Variants in FRMPD4 observed in about 807,000 individuals in gnomAD.
FRMPD4 encodes the protein FERM and PDZ domain-containing protein 4.
FRMPD4 carries 22 observed loss-of-function variants against 94.1 expected under a neutral mutation model. The ratio of observed to expected loss-of-function variants is 0.23; its 90% CI spans 0.17 to 0.33. FRMPD4 has a LOEUF of 0.33. Ranked by LOEUF, FRMPD4 falls within the 10% of genes least tolerant of loss-of-function variation. The probability of loss-of-function intolerance (pLI) is 1.00; values close to 1 mark genes in which losing one functional copy is unlikely to be tolerated. For missense variants in FRMPD4, 1,111 were observed against 1,339.9 expected (o/e 0.83, Z 2.67); for synonymous variants, 631 against 548.6 (o/e 1.15, Z -2.10).
At chrX:12,054,707 A>T (rs749183094) in intron 3 of FRMPD4, 1 of 112,230 alleles carries the variant, frequency 8.9e-6, no homozygotes, top group Non-Finnish European at 1.9e-5. Context: ...CTCTGGCAAG[A>T]TGAACATAAA....
At chrX:12,235,212 C>T (rs753451970) in intron 1 of FRMPD4, among the ~76,000 whole-genome samples, 15 of 111,863 alleles carry the variant, frequency 1.3e-4, no homozygotes, top group Admixed American at 2.8e-4. Flanking sequence ...CCATTGAAAG[C>T]TGCGCGTCCC....
At chrX:12,004,778 A>C (rs2054542485) in intron 3 of FRMPD4, among the ~76,000 whole-genome samples, 1 of 108,229 alleles carries the variant, frequency 9.2e-6, no homozygotes, top group African/African-American at 3.4e-5. Context: ...TGTCCAGCCC[A>C]ACCTGGCTGC....
chrX:12,063,589 T>G (rs982065346), intron 3 of FRMPD4, among the ~76,000 whole-genome samples: 1 of 112,047 alleles, frequency 8.9e-6, no homozygotes, highest in Non-Finnish European at 1.9e-5. Context: ...TGTACAAAAA[T>G]AAAAAGAAAA....
chrX:11,984,315 T>C (rs1192759606), intron 3 of FRMPD4, among the ~76,000 whole-genome samples: 1 of 112,559 alleles, frequency 8.9e-6, no homozygotes, highest in African/African-American at 3.2e-5. Context: ...CCTTTGCTCT[T>C]GACTGGTCCA....
chrX:12,046,201 T>C (rs6639135), intron 3 of FRMPD4, among the ~76,000 whole-genome samples: 7,153 of 110,539 alleles, frequency 0.065, 257 homozygotes, highest in East Asian at 0.24. Flanking sequence ...AAGAAATAAG[T>C]CTCAGCAAAT....
chrX:11,881,717 T>C (rs2053814571), intron 3 of FRMPD4, among the ~76,000 whole-genome samples: 1 of 111,777 alleles, frequency 8.9e-6, no homozygotes, highest in Non-Finnish European at 1.9e-5. Flanking sequence ...TACACAAACA[T>C]ATACATGTGA....
At chrX:12,472,327 T>C (rs1206665604) in intron 1 of FRMPD4, among the ~76,000 whole-genome samples, 1 of 112,166 alleles carries the variant, frequency 8.9e-6, no homozygotes, top group Non-Finnish European at 1.9e-5. Flanking sequence ...AAGCTAAATA[T>C]GTGCAATTCA....
chrX:12,071,766 G>C (rs2054970596), intron 3 of FRMPD4, among the ~76,000 whole-genome samples: 1 of 110,973 alleles, frequency 9.0e-6, no homozygotes, highest in Admixed American at 9.6e-5. Context: ...GCTTTTACAG[G>C]GTGGTGAAAA....
At chrX:12,418,590 C>A (rs2056842927) in intron 1 of FRMPD4, among the ~76,000 whole-genome samples, 1 of 109,450 alleles carries the variant, frequency 9.1e-6, no homozygotes, top group African/African-American at 3.3e-5. Context: ...GAACTCCCGA[C>A]CTCGTGATCC....
At chrX:12,044,053 T>C (rs545065528) in intron 3 of FRMPD4, among the ~76,000 whole-genome samples, 2 of 112,208 alleles carry the variant, frequency 1.8e-5, no homozygotes, top group African/African-American at 6.5e-5. Context: ...TTACCAGTTT[T>C]CTGAATGATA....
At chrX:11,969,093 G>T (rs2054326732) in intron 3 of FRMPD4, among the ~76,000 whole-genome samples, 1 of 112,539 alleles carries the variant, frequency 8.9e-6, no homozygotes, top group Admixed American at 9.4e-5. Flanking sequence ...GGGTACGAGG[G>T]TAGTAAGCTT....
At chrX:12,701,256 A>C (rs971984778) in intron 9 of FRMPD4, among the ~76,000 whole-genome samples, 7 of 108,805 alleles carry the variant, frequency 6.4e-5, no homozygotes, top group Non-Finnish European at 1.3e-4. Flanking sequence ...TGTTTTTTGT[A>C]GAGACTGGAT....
chrX:12,367,833 A>T (rs1488729466), intron 1 of FRMPD4, among the ~76,000 whole-genome samples: 1 of 111,915 alleles, frequency 8.9e-6, no homozygotes, highest in Non-Finnish European at 1.9e-5. Context: ...AGGAAATAAG[A>T]GAATAAATAG....
intron 3 of FRMPD4, among the ~76,000 whole-genome samples, chrX:11,943,506 A>G (rs1381510413): frequency 5.4e-5 from 6 of 110,873 alleles, no homozygotes; most frequent in African/African-American, 2.0e-4. Context: ...GGAAGAGCAG[A>G]AGGGCAAGGG....
chrX:12,131,689 T>C (rs958213332), intron 3 of FRMPD4, among the ~76,000 whole-genome samples: 2 of 111,654 alleles, frequency 1.8e-5, no homozygotes, highest in African/African-American at 3.3e-5. Flanking sequence ...ATCCCACAAA[T>C]CTATATTCAA....
At chrX:12,068,412 TATA>T (rs1384832824) in intron 3 of FRMPD4, among the ~76,000 whole-genome samples, 5 of 112,171 alleles carry the variant, frequency 4.5e-5, no homozygotes, top group African/African-American at 1.6e-4. Flanking sequence ...TTTCTCTGAT[TATA>T]ATAATAAGCT....
chrX:12,412,016 T>C (rs1418931138), intron 1 of FRMPD4, among the ~76,000 whole-genome samples: 1 of 112,023 alleles, frequency 8.9e-6, no homozygotes, highest in African/African-American at 3.2e-5. Context: ...CTCTTCATCA[T>C]ATCCTTTTGA....
intron 1 of FRMPD4, among the ~76,000 whole-genome samples, chrX:12,312,797 G>C: frequency 9.1e-6 from 1 of 109,735 alleles, no homozygotes. Flanking sequence ...AAGAGACCAA[G>C]TGCTTTCTTA....
chrX:12,436,122 C>T (rs1667162051), intron 1 of FRMPD4, among the ~76,000 whole-genome samples: 1 of 110,977 alleles, frequency 9.0e-6, no homozygotes. Context: ...TCTCGTGCGT[C>T]AGCCTCCAGA....
Sources: allele counts gnomAD v4.1 joint callset (sites outside exome capture counted in the v4.1 genomes callset), GRCh38; gene constraint gnomAD v4.1.1; transcripts MANE v1.5; gene names NCBI Gene and HGNC (gene_info 2026-07-23, HGNC 2026-07-21).